Variants in TMEM213 observed in about 807,000 individuals in gnomAD.
TMEM213 encodes the protein transmembrane protein 213.
Under a neutral mutation model 11.6 loss-of-function variants are expected in TMEM213, and 7 were observed. That is an observed-to-expected ratio of 0.60 (90% confidence interval 0.34 to 1.13). The LOEUF is 1.13. Ranked by LOEUF, TMEM213 falls within the 50% of genes most tolerant of loss-of-function variation. The pLI is 0.03. For synonymous variants in TMEM213, 60 were observed against 58.3 expected, an observed-to-expected ratio of 1.03 and a Z score of -0.13; for missense variants, 129 against 139.0, an observed-to-expected ratio of 0.93 and a Z score of 0.36.
chr7:138,800,595 G>A (rs1322045822), intron 1 of TMEM213, among the ~76,000 whole-genome samples: 5 of 152,006 alleles, frequency 3.3e-5, no homozygotes, highest in Non-Finnish European at 7.4e-5. Flanking sequence ...TTCTCCTGAG[G>A]CCTCCCTCCT....
chr7:138,804,535 T>A lies in TMEM213; in HGVS notation c.*1466T>A, dbSNP rs960163078. 1.6e-4 allele frequency: 25 copies of A among 152,428 alleles called. No individual in the cohort carries two copies. Among genetic ancestry groups the A allele is most frequent in the African/African-American group, 6.0e-4 (25 of 41,578 alleles). The allele number at this position is 152,428 out of a possible 1,614,324, so 9.4% of individuals were successfully genotyped here. On this transcript the variant is annotated 3_prime_UTR_variant, in exon 3 of 3. Coordinates refer to ENST00000442682, the MANE Select transcript of TMEM213 (RefSeq NM_001085429.2). ...CTGCTCTGCCCTGATGTGCAGTTGT[T>A]GTGAATGGGCCACTCCATAGTTTAT...
chr7:138,802,800 C>A, intron 2 of TMEM213, 100 bp from the exon 3 acceptor site: 3 of 1,283,486 alleles, frequency 2.3e-6, no homozygotes, highest in Non-Finnish European at 3.1e-6. Flanking sequence ...TCATCAGTGT[C>A]AGCTACCGTG....
Position 138,802,912 on chromosome 7 carries a change from GC to G in TMEM213, c.170del (p.Pro57HisfsTer38). ...CCTTCCCCACCAGACGTGGACTTCT[GC>G]CCACAAGCAGCCCGGTGCTGCCGCA... Reference protein sequence around the residue: ...TLEQCLNVDFCPQAARCCRTG... With the variant: ...TLEQCLNVDFXPQAARCCRTG... On this transcript the variant is annotated frameshift_variant, in exon 3 of 3. Transcript: ENST00000442682. LOFTEE classifies it high-confidence loss of function. 8 of 1,579,678 alleles carry G rather than the reference GC, an allele frequency of 5.1e-6. No homozygotes were observed. The highest frequency in any genetic ancestry group is 6.9e-6 in the Non-Finnish European group (8 of 1,165,832).
intron 1 of TMEM213, among the ~76,000 whole-genome samples, chr7:138,800,724 C>T (rs75083959): frequency 1.4e-3 from 192 of 140,286 alleles, no homozygotes; most frequent in Admixed American, 1.4e-3. Context: ...TTTTTTTAGA[C>T]GGAGTTTCAC....
In TMEM213 at chr7:138,804,195, C is replaced by G. The variant is rs1004413252; in HGVS notation, c.*1126C>G. Reference sequence around the variant, plus strand: ...CTCATCACTCCCCATGGGCAGCTGCCAGGGTAGGCGCTGTCACCTTCTGTT... The same window carrying G: ...CTCATCACTCCCCATGGGCAGCTGCGAGGGTAGGCGCTGTCACCTTCTGTT... On this transcript the variant is annotated 3_prime_UTR_variant, in exon 3 of 3. Coordinates refer to ENST00000442682, the MANE Select transcript of TMEM213 (RefSeq NM_001085429.2). 2.6e-5 allele frequency: 4 copies of G among 152,454 alleles called. No individual in the cohort carries two copies. The highest frequency in any genetic ancestry group is 7.2e-5 in the African/African-American group (3 of 41,452). The allele number at this position is 152,454 out of a possible 1,614,324, so 9.4% of individuals were successfully genotyped here.
In TMEM213 at chr7:138,802,995, C is replaced by T. The variant is rs1198709215; in HGVS notation, c.250C>T (p.Leu84Phe). ...AGCTGTTGGCTGGAGCCTCTGGTTC[C>T]TCACCCTCATCCTGCTCTGTGTGGA... is the stretch of plus-strand genomic sequence containing the variant. Reference protein sequence around the residue: ...AAAVGWSLWFLTLILLCVDKL... With the variant: ...AAAVGWSLWFFTLILLCVDKL... The change falls in exon 3 of 3, where the codon CTC becomes TTC. Residue 84 changes from leucine (L) to phenylalanine (F), a missense_variant. Leu to Phe is a conservative substitution (Grantham distance 22). Coordinates refer to ENST00000442682, the MANE Select transcript of TMEM213 (RefSeq NM_001085429.2). The T allele has an allele frequency of 6.2e-7, 1 of 1,613,688 alleles. No individual in the cohort carries two copies. The highest frequency in any genetic ancestry group is 1.7e-5 in the Admixed American group (1 of 59,994).
intron 1 of TMEM213, among the ~76,000 whole-genome samples, chr7:138,800,146 A>G (rs1808883769): frequency 6.6e-6 from 1 of 152,142 alleles, no homozygotes; most frequent in Non-Finnish European, 1.5e-5. Context: ...GAGGGTGGAA[A>G]TGTCCCATGT....
rs898821880 is a variant in TMEM213, at chr7:138,798,002, T to C, written c.-103T>C. The C allele has an allele frequency of 1.3e-6, 2 of 1,548,726 alleles. No individual in the cohort carries two copies. The highest frequency in any genetic ancestry group is 2.4e-5 in the South Asian group (2 of 83,458). ...ATAAGTTCACCTCTGGCAGAGTTGC[T>C]TTCCAGCTCCTGCAGGTGGGAGTCG... On this transcript the variant is annotated 5_prime_UTR_variant, in exon 1 of 3. Coordinates refer to ENST00000442682, the MANE Select transcript of TMEM213 (RefSeq NM_001085429.2).
At chr7:138,802,212 T>C (rs1360129889) in intron 2 of TMEM213, among the ~76,000 whole-genome samples, 2 of 151,310 alleles carry the variant, frequency 1.3e-5, no homozygotes, top group Non-Finnish European at 2.9e-5. Flanking sequence ...GTTCCCTTTA[T>C]CCTGCCCTCA....
At chr7:138,801,431 G>A in intron 2 of TMEM213, 33 bp downstream of exon 2, 1 of 1,581,354 alleles carries the variant, frequency 6.3e-7, no homozygotes, top group Non-Finnish European at 8.6e-7. Context: ...TCTAACCCCA[G>A]AACTGGCCCT....
rs79154527 is a variant in TMEM213, at chr7:138,802,230, A to G, written c.155-670A>G. ...CCCTTTATCCTGCCCTCATTGAATG[A>G]CCGAATGCATTAACTTAGGCACTTA... On this transcript the variant is annotated intron_variant, in intron 2 of 2. Coordinates refer to ENST00000442682, the MANE Select transcript of TMEM213 (RefSeq NM_001085429.2). Among the ~76,000 whole-genome samples the G allele has an allele frequency of 0.011, 1,607 of 151,550 alleles. 45 individuals are homozygous for G. In the East Asian group the frequency reaches 0.12, roughly 11 times the overall value.
intron 2 of TMEM213, among the ~76,000 whole-genome samples, chr7:138,802,027 G>A (rs568255493): frequency 2.0e-5 from 3 of 152,246 alleles, no homozygotes; most frequent in South Asian, 2.1e-4. Flanking sequence ...TTAGCTGGAT[G>A]TGGTGGCATG....
chr7:138,802,490 G>T (rs757876007), intron 2 of TMEM213, among the ~76,000 whole-genome samples: 1 of 150,718 alleles, frequency 6.6e-6, no homozygotes, highest in Non-Finnish European at 1.5e-5. Context: ...GGCAGAAGTT[G>T]CAGTGAGCTG....
At chr7:138,801,472 C>T (rs1399714432) in intron 2 of TMEM213, 74 bp downstream of exon 2, 1 of 1,408,342 alleles carries the variant, frequency 7.1e-7, no homozygotes, top group Non-Finnish European at 9.8e-7. Context: ...GGCCTCCCCG[C>T]TTTCCGTTGA....
In TMEM213 at chr7:138,806,363, A is replaced by G. The variant is rs1809100863; in HGVS notation, c.*3294A>G. On this transcript the variant is annotated 3_prime_UTR_variant, in exon 3 of 3. Transcript: ENST00000442682. ...CACCTCTACAAAAAAATACAAAAAA[A>G]TTATTTGGGACTGGTGGCGCATGCC... The G allele has an allele frequency of 6.6e-6, 1 of 152,266 alleles. No individual in the cohort carries two copies. The highest frequency in any genetic ancestry group is 1.5e-5 in the Non-Finnish European group (1 of 68,138). The allele number at this position is 152,266 out of a possible 1,614,324, so 9.4% of individuals were successfully genotyped here.
At chr7:138,800,987 C>T (rs745474461) in intron 1 of TMEM213, among the ~76,000 whole-genome samples, 32 of 152,134 alleles carry the variant, frequency 2.1e-4, no homozygotes, top group Non-Finnish European at 4.4e-4. Flanking sequence ...GTGTGAACCA[C>T]TGCACCTGGC....
Position 138,801,464 on chromosome 7 carries a change from C to T in TMEM213, c.154+66C>T, listed in dbSNP as rs1808945372. 4 of 1,460,652 alleles carry T rather than the reference C, an allele frequency of 2.7e-6. No homozygotes were observed. The African/African-American group carries it at 5.6e-5, about 21-fold the overall frequency. 90.5% of individuals were successfully genotyped at this position (1,460,652 alleles called of 1,614,324 possible). A position where few individuals can be genotyped will look rare whatever the true frequency, so the allele number is the denominator to read the frequency against. On this transcript the variant is annotated intron_variant, in intron 2 of 2. Coordinates refer to ENST00000442682, the MANE Select transcript of TMEM213 (RefSeq NM_001085429.2). The stretch of plus-strand genomic sequence containing the variant: ...CCTCAGCCTGGGAGGGAAACAAAGG[C>T]CTCCCCGCTTTCCGTTGATTGGTGT...
Position 138,803,596 on chromosome 7 carries a change from G to A in TMEM213, c.*527G>A, listed in dbSNP as rs958845854. ...AGTTCCAGATCAGCCTGGCCAACAT[G>A]GTGAAACCCTGTCTCTACTAAAAAT... On this transcript the variant is annotated 3_prime_UTR_variant, in exon 3 of 3. Transcript: ENST00000442682. The A allele has an allele frequency of 1.3e-5, 2 of 158,002 alleles. No individual in the cohort carries two copies. The highest frequency in any genetic ancestry group is 1.4e-5 in the Non-Finnish European group (1 of 71,574). The allele number at this position is 158,002 out of a possible 1,614,324, so 9.8% of individuals were successfully genotyped here. A position where few individuals can be genotyped will look rare whatever the true frequency, so the allele number is the denominator to read the frequency against.
Position 138,801,922 on chromosome 7 carries a change from C to T in TMEM213, c.154+524C>T, listed in dbSNP as rs114920482. ...CTCATGCCTGTAATCCCAGCATTTT[C>T]GGAAGATGAAGCAGGTGGATCACCT... On this transcript the variant is annotated intron_variant, in intron 2 of 2. Transcript: ENST00000442682. 1.0e-3 allele frequency: 162 copies of T among 155,104 alleles called. 1 individual carries two copies. The East Asian group carries it at 0.02, about 19-fold the overall frequency. The allele number at this position is 155,104 out of a possible 1,614,324, so 9.6% of individuals were successfully genotyped here.
Sources: allele counts gnomAD v4.1 joint callset (sites outside exome capture counted in the v4.1 genomes callset), GRCh38; gene constraint gnomAD v4.1.1; transcripts MANE v1.5; gene names NCBI Gene and HGNC (gene_info 2026-07-23, HGNC 2026-07-21).